Variants in RALGPS1 observed in about 807,000 individuals in gnomAD.
The protein encoded by RALGPS1 is Ral GEF with PH domain and SH3 binding motif 1.
A neutral mutation model predicts 78.8 loss-of-function variants in RALGPS1; 19 were observed. The observed-to-expected ratio is 0.24, with a 90% CI of 0.17 to 0.35. The LOEUF (loss-of-function observed/expected upper bound fraction) is 0.35, where lower values mean the gene tolerates loss of function less well. RALGPS1 is among the 10% of genes least tolerant of loss of function. The pLI is 1.00. For missense variants in RALGPS1, 454 were observed against 688.3 expected (o/e 0.66, Z 3.81); for synonymous variants, 228 against 256.3 (o/e 0.89, Z 1.06).
chr9:127,046,729 A>G (rs1225204862), intron 5 of RALGPS1, among the ~76,000 whole-genome samples: 1 of 151,528 alleles, frequency 6.6e-6, no homozygotes, highest in African/African-American at 2.4e-5. Flanking sequence ...AGTTTCAGCT[A>G]CTTGACAGGC....
chr9:126,980,719 G>T (rs903140890), intron 4 of RALGPS1, among the ~76,000 whole-genome samples: 29 of 152,298 alleles, frequency 1.9e-4, no homozygotes, highest in African/African-American at 7.0e-4. Flanking sequence ...GTAAGAAGAA[G>T]AATATTAACC....
intron 8 of RALGPS1, among the ~76,000 whole-genome samples, chr9:127,113,029 A>G (rs549648934): frequency 4.6e-4 from 70 of 152,310 alleles, no homozygotes; most frequent in African/African-American, 1.5e-3. Context: ...TTGTAACTAC[A>G]TTGATTCTGA....
At chr9:127,156,098 T>C (rs1008020773) in intron 8 of RALGPS1, among the ~76,000 whole-genome samples, 1 of 152,232 alleles carries the variant, frequency 6.6e-6, no homozygotes, top group Non-Finnish European at 1.5e-5. Context: ...TAAAAACATA[T>C]CATGGATATC....
intron 1 of RALGPS1, among the ~76,000 whole-genome samples, chr9:126,935,053 A>C (rs1336956925): frequency 1.3e-5 from 2 of 152,158 alleles, no homozygotes; most frequent in Non-Finnish European, 2.9e-5. Flanking sequence ...TTGCCCCCTG[A>C]GATTCTGCCC....
At chr9:127,140,507 G>A (rs1166508535) in intron 8 of RALGPS1, among the ~76,000 whole-genome samples, 1 of 152,194 alleles carries the variant, frequency 6.6e-6, no homozygotes, top group East Asian at 1.9e-4. Flanking sequence ...CACTTCCACT[G>A]AAGGATGAAT....
chr9:127,009,195 A>G (rs190473189), intron 4 of RALGPS1, among the ~76,000 whole-genome samples: 121 of 152,362 alleles, frequency 7.9e-4, no homozygotes, highest in Non-Finnish European at 1.4e-3. Flanking sequence ...AATAGGCACT[A>G]TAGGCATCCC....
chr9:127,011,518 T>C (rs2044344524), intron 4 of RALGPS1, among the ~76,000 whole-genome samples: 1 of 152,184 alleles, frequency 6.6e-6, no homozygotes, highest in African/African-American at 2.4e-5. Context: ...CTTGGGACTC[T>C]TAGAATTCAG....
chr9:127,024,306 C>T (rs2045769231), intron 4 of RALGPS1, among the ~76,000 whole-genome samples: 1 of 151,186 alleles, frequency 6.6e-6, no homozygotes, highest in South Asian at 2.1e-4. Flanking sequence ...CACCTCAGTC[C>T]CCTCCCCAAA....
At chr9:126,972,728 A>C (rs1354629369) in intron 3 of RALGPS1, among the ~76,000 whole-genome samples, 1 of 152,232 alleles carries the variant, frequency 6.6e-6, no homozygotes, top group African/African-American at 2.4e-5. Flanking sequence ...TACAAGGAAT[A>C]TAAAGGGATG....
At chr9:127,178,102 C>T (rs2059987668) in intron 11 of RALGPS1, 1 of 1,085,804 alleles carries the variant, frequency 9.2e-7, no homozygotes. Flanking sequence ...GTTACCAATC[C>T]CAGGGATGGC....
intron 4 of RALGPS1, among the ~76,000 whole-genome samples, chr9:126,983,542 T>C (rs745964964): frequency 1.3e-5 from 2 of 152,220 alleles, no homozygotes; most frequent in Non-Finnish European, 2.9e-5. Flanking sequence ...AATAATTCTT[T>C]AGGATCAAAT....
At chr9:127,171,367 GA>G (rs1311345834) in intron 10 of RALGPS1, among the ~76,000 whole-genome samples, 1 of 76,386 alleles carries the variant, frequency 1.3e-5, no homozygotes, top group Admixed American at 1.6e-4. Flanking sequence ...AATTTAACTA[GA>G]AAAAAACTTT....
At chr9:127,071,925 A>G (rs1342328378) in intron 8 of RALGPS1, among the ~76,000 whole-genome samples, 1 of 152,028 alleles carries the variant, frequency 6.6e-6, no homozygotes, top group African/African-American at 2.4e-5. Context: ...CATTTTTATC[A>G]CTCCATAAAG....
chr9:127,098,380 A>C (rs981365939), intron 8 of RALGPS1, among the ~76,000 whole-genome samples: 2 of 152,148 alleles, frequency 1.3e-5, no homozygotes, highest in African/African-American at 4.8e-5. Flanking sequence ...CTGGGCTCAG[A>C]GTGGAGCGAG....
intron 8 of RALGPS1, among the ~76,000 whole-genome samples, chr9:127,133,746 G>A (rs577441161): frequency 2.2e-4 from 34 of 152,282 alleles, no homozygotes; most frequent in African/African-American, 7.2e-4. Flanking sequence ...TTCTATGTGT[G>A]CAGAAACGTT....
chr9:127,003,686 T>C (rs546701107), intron 4 of RALGPS1, among the ~76,000 whole-genome samples: 1 of 152,300 alleles, frequency 6.6e-6, no homozygotes, highest in South Asian at 2.1e-4. Context: ...TCTTTCTTTC[T>C]TTCTTTTCTT....
intron 1 of RALGPS1, among the ~76,000 whole-genome samples, chr9:126,927,395 A>C (rs2035382301): frequency 6.6e-6 from 1 of 152,176 alleles, no homozygotes; most frequent in African/African-American, 2.4e-5. Context: ...GATGGTGTGG[A>C]AACCGGTGGT....
At chr9:127,030,753 T>A (rs547355345) in intron 4 of RALGPS1, among the ~76,000 whole-genome samples, 1 of 150,750 alleles carries the variant, frequency 6.6e-6, no homozygotes, top group East Asian at 2.0e-4. Flanking sequence ...GGCATCAGAG[T>A]AAGGTCTCTG....
At chr9:127,098,284 A>G (rs565166580) in intron 8 of RALGPS1, among the ~76,000 whole-genome samples, 1 of 152,350 alleles carries the variant, frequency 6.6e-6, no homozygotes, top group South Asian at 2.1e-4. Flanking sequence ...GGACCAGTGC[A>G]GAGTACCTAG....
Sources: allele counts gnomAD v4.1 joint callset (sites outside exome capture counted in the v4.1 genomes callset), GRCh38; gene constraint gnomAD v4.1.1; transcripts MANE v1.5; gene names NCBI Gene and HGNC (gene_info 2026-07-23, HGNC 2026-07-21).